The following CEP162 variants were observed in gnomAD, a reference collection of about 807,000 sequenced individuals.
The protein encoded by CEP162 is centrosomal protein of 162 kDa.
A neutral mutation model predicts 169.2 loss-of-function variants in CEP162; 141 were observed. The observed-to-expected ratio is 0.83, with a 90% CI of 0.73 to 0.96. The LOEUF is 0.96. Among genes scored for constraint, CEP162 ranks in the 40% least tolerant of loss-of-function variants. CEP162 has a pLI of 0.00. For synonymous variants in CEP162, 540 were observed against 526.4 expected (o/e 1.03, Z -0.35); for missense variants, 1,600 against 1,587.2 (o/e 1.01, Z -0.14).
rs149131177 is a variant in CEP162 at position 84,215,832 on chromosome 6, T to C, written c.263A>G (p.Gln88Arg). 5.0e-6 allele frequency: 8 copies of C among 1,588,304 alleles called. No homozygotes were observed. In the South Asian group the frequency reaches 9.2e-5, roughly 18 times the overall value. ...EIEEESAEKI[Q>R]FLKSSGTSLL... ...AGAGGTTCCACTGCTCTTAAGAAAT[T>C]GAATCTTTTCAGCAGACTCCTCTTC... The change falls in exon 4 of 27, where the codon CAA (glutamine) becomes CGA (arginine). Residue 88 changes from glutamine (Q) to arginine (R), a missense_variant. Gln to Arg is a conservative substitution (Grantham distance 43, BLOSUM62 1). Coordinates refer to ENST00000403245, the MANE Select transcript of CEP162 (RefSeq NM_014895.4).
chr6:84,132,178 C>A (rs1435375727), intron 25 of CEP162, among the ~76,000 whole-genome samples: 2 of 152,202 alleles, frequency 1.3e-5, no homozygotes, highest in East Asian at 3.8e-4. Context: ...CCCCCACTCT[C>A]TTCTGGCTTG....
At chr6:84,221,982 T>C (rs1343846583) in intron 2 of CEP162, among the ~76,000 whole-genome samples, 1 of 151,718 alleles carries the variant, frequency 6.6e-6, no homozygotes, top group Non-Finnish European at 1.5e-5. Context: ...TGCTCAGCAC[T>C]GCATCTCCAG....
chr6:84,185,040 T>A (rs2099536496), intron 13 of CEP162, 147 bp downstream of exon 13: 2 of 683,490 alleles, frequency 2.9e-6, no homozygotes, highest in Admixed American at 5.9e-5. Flanking sequence ...ATCTAACTAC[T>A]TTTCATCACC....
chr6:84,149,789 C>T, intron 23 of CEP162, 86 bp from the exon 24 acceptor site: 1 of 1,198,134 alleles, frequency 8.3e-7, no homozygotes, highest in Non-Finnish European at 1.1e-6. Context: ...TAGAAGAAAC[C>T]TGGGAATTAA....
In CEP162 at chr6:84,152,528, ATAATT is replaced by A. The variant is rs781387307; in HGVS notation, c.3629+12_3629+16del. The A allele has an allele frequency of 4.0e-6, 5 of 1,255,834 alleles. No individual in the cohort carries two copies. In the South Asian group the frequency reaches 6.2e-5, roughly 16 times the overall value. The allele number at this position is 1,255,834 out of a possible 1,614,324, so 77.8% of individuals were successfully genotyped here. On this transcript the variant is annotated intron_variant, in intron 23 of 26. Transcript: ENST00000403245. ...TTTTTATTTTTACAAATATTTATAAATAATTTAACATTTTACCTTCTCATGGAGTT... is the reference window on the plus strand; with the variant it reads ...TTTTTATTTTTACAAATATTTATAAATAACATTTTACCTTCTCATGGAGTT...
At chr6:84,221,485 A>G (rs1588899120) in intron 2 of CEP162, among the ~76,000 whole-genome samples, 1 of 152,344 alleles carries the variant, frequency 6.6e-6, no homozygotes, top group East Asian at 1.9e-4. Context: ...TCTTCTAGAC[A>G]TTCTCTAGGG....
intron 25 of CEP162, among the ~76,000 whole-genome samples, chr6:84,128,575 T>A (rs1270587329): frequency 6.6e-6 from 1 of 152,138 alleles, no homozygotes; most frequent in Non-Finnish European, 1.5e-5. Flanking sequence ...TCACTTTCCT[T>A]AGCATCAATA....
At position 84,204,041 on chromosome 6, in the gene CEP162, T is replaced by C; in HGVS notation, c.627A>G (p.Lys209=). Residue 209 remains lysine, a synonymous_variant, in exon 7 of 27, where the codon AAA becomes AAG. Coordinates refer to ENST00000403245, the MANE Select transcript of CEP162 (RefSeq NM_014895.4). The part of the protein sequence containing the change: ...DEYVGAPLTT[K]DEEMPSKENS... ...TCTCTTTGGAAGGCATCTCTTCATC[T>C]TTAGTAGTCAACGGTGCACCAACAT... The C allele has an allele frequency of 6.2e-7, 1 of 1,611,088 alleles. No homozygotes were observed. The highest frequency in any genetic ancestry group is 8.5e-7 in the Non-Finnish European group (1 of 1,178,692).
At chr6:84,222,649 C>T (rs2099554154) in intron 2 of CEP162, among the ~76,000 whole-genome samples, 1 of 152,238 alleles carries the variant, frequency 6.6e-6, no homozygotes, top group South Asian at 2.1e-4. Context: ...TACAAAGTCA[C>T]ATTTAAACCC....
intron 11 of CEP162, among the ~76,000 whole-genome samples, chr6:84,187,996 A>G (rs759959804): frequency 3.9e-5 from 6 of 152,112 alleles, no homozygotes; most frequent in Non-Finnish European, 7.4e-5. Context: ...AGCCTTGAAG[A>G]ATGCTATGAA....
intron 22 of CEP162, among the ~76,000 whole-genome samples, chr6:84,154,240 A>G (rs889577225): frequency 2.6e-5 from 4 of 152,080 alleles, no homozygotes; most frequent in African/African-American, 9.7e-5. Flanking sequence ...TGACAGTCTT[A>G]TTTAGTTGGT....
intron 25 of CEP162, among the ~76,000 whole-genome samples, chr6:84,137,337 G>T (rs887489815): frequency 5.3e-5 from 8 of 152,088 alleles, no homozygotes; most frequent in Admixed American, 3.3e-4. Context: ...GGCAAGTCAA[G>T]AATTTAAACC....
At chr6:84,143,555 GAC>G (rs1185361374) in intron 25 of CEP162, among the ~76,000 whole-genome samples, 1 of 151,920 alleles carries the variant, frequency 6.6e-6, no homozygotes, top group East Asian at 1.9e-4. Flanking sequence ...AAAGTAGAAT[GAC>G]AGACTGTTTT....
intron 3 of CEP162, among the ~76,000 whole-genome samples, chr6:84,216,451 T>C (rs905735808): frequency 9.9e-5 from 15 of 152,182 alleles, no homozygotes; most frequent in African/African-American, 3.6e-4. Flanking sequence ...TCAAAGTCAT[T>C]ATTTCTAAAA....
At chr6:84,191,303 A>G (rs1335395888) in intron 11 of CEP162, among the ~76,000 whole-genome samples, 1 of 152,342 alleles carries the variant, frequency 6.6e-6, no homozygotes, top group South Asian at 2.1e-4. Context: ...GCCAATGGTG[A>G]TAACATACAA....
chr6:84,220,905 G>C (rs953190959), intron 3 of CEP162, 152 bp downstream of exon 3: 5 of 484,390 alleles, frequency 1.0e-5, no homozygotes, highest in Non-Finnish European at 1.5e-5. Context: ...ACATAATAAA[G>C]TACTGGTTAT....
chr6:84,197,377 T>G (rs934447200), intron 9 of CEP162, among the ~76,000 whole-genome samples: 3 of 152,138 alleles, frequency 2.0e-5, no homozygotes, highest in African/African-American at 7.2e-5. Flanking sequence ...TTTCCATGCA[T>G]ATCATGAAAA....
chr6:84,179,605 T>C (rs2099533894), intron 13 of CEP162, among the ~76,000 whole-genome samples: 1 of 152,046 alleles, frequency 6.6e-6, no homozygotes, highest in Non-Finnish European at 1.5e-5. Flanking sequence ...TTTTCTCCCA[T>C]TGTGTAGGTT....
At chr6:84,134,995 G>A (rs2099513375) in intron 25 of CEP162, among the ~76,000 whole-genome samples, 1 of 150,676 alleles carries the variant, frequency 6.6e-6, no homozygotes, top group East Asian at 1.9e-4. Context: ...AAAATCATAT[G>A]CATGCATACA....
Sources: allele counts gnomAD v4.1 joint callset (sites outside exome capture counted in the v4.1 genomes callset), GRCh38; gene constraint gnomAD v4.1.1; transcripts MANE v1.5; gene names NCBI Gene and HGNC (gene_info 2026-07-23, HGNC 2026-07-21).